The following EXOC6B variants were observed in gnomAD, a reference collection of about 807,000 sequenced individuals.
EXOC6B encodes exocyst complex component 6B.
EXOC6B carries 54 observed loss-of-function variants against 113.5 expected under a neutral mutation model. That is an observed-to-expected ratio of 0.48 (90% CI 0.38 to 0.60). The LOEUF (loss-of-function observed/expected upper bound fraction) is 0.60. Among genes scored for constraint, EXOC6B ranks in the 20% least tolerant of loss-of-function variants. The probability of loss-of-function intolerance (pLI) is 0.00; values close to 1 mark genes in which losing one functional copy is unlikely to be tolerated. For synonymous variants in EXOC6B, 357 were observed against 339.0 expected (o/e 1.05, Z -0.58); for missense variants, 797 against 977.5 (o/e 0.82, Z 2.46).
At chr2:72,782,551 C>A (rs1285815720) in intron 1 of EXOC6B, among the ~76,000 whole-genome samples, 2 of 152,256 alleles carry the variant, frequency 1.3e-5, no homozygotes, top group South Asian at 2.1e-4. Flanking sequence ...GTCCTCTGTT[C>A]TAGCTATTTT....
At chr2:72,599,856 C>T (rs922326002) in intron 6 of EXOC6B, among the ~76,000 whole-genome samples, 7 of 150,924 alleles carry the variant, frequency 4.6e-5, no homozygotes, top group South Asian at 2.1e-4. Context: ...AAAACCTATA[C>T]GAGGAAAACT....
intron 11 of EXOC6B, among the ~76,000 whole-genome samples, chr2:72,500,650 C>T (rs1404732214): frequency 6.6e-6 from 1 of 151,964 alleles, no homozygotes; most frequent in African/African-American, 2.4e-5. Context: ...ATAAAAATTA[C>T]AAATAATGTC....
chr2:72,384,946 C>T (rs555956643), intron 18 of EXOC6B, among the ~76,000 whole-genome samples: 1 of 152,128 alleles, frequency 6.6e-6, no homozygotes, highest in East Asian at 1.9e-4. Context: ...CCAAAGTGAT[C>T]TACAAACTCA....
intron 1 of EXOC6B, among the ~76,000 whole-genome samples, chr2:72,815,484 C>A: frequency 6.7e-6 from 1 of 149,040 alleles, no homozygotes. Flanking sequence ...AGGGAGAGAC[C>A]CTGTTTCAAA....
intron 16 of EXOC6B, among the ~76,000 whole-genome samples, chr2:72,483,481 G>T (rs1699226207): frequency 6.6e-6 from 1 of 152,154 alleles, no homozygotes; most frequent in East Asian, 1.9e-4. Context: ...AAAAAAGGGA[G>T]GTGGCTTCAC....
chr2:72,396,165 T>G (rs1692713966), intron 18 of EXOC6B, among the ~76,000 whole-genome samples: 1 of 152,106 alleles, frequency 6.6e-6, no homozygotes, highest in African/African-American at 2.4e-5. Flanking sequence ...AGGATACTCT[T>G]AAATAATTTA....
chr2:72,488,984 T>A (rs1016009910), intron 16 of EXOC6B, among the ~76,000 whole-genome samples: 1 of 152,160 alleles, frequency 6.6e-6, no homozygotes, highest in Non-Finnish European at 1.5e-5. Context: ...CTCACTCCAC[T>A]CCAGCTACCC....
chr2:72,699,887 A>G (rs902514711), intron 6 of EXOC6B, among the ~76,000 whole-genome samples: 4 of 152,256 alleles, frequency 2.6e-5, no homozygotes, highest in African/African-American at 7.2e-5. Context: ...ATGGCTTTCT[A>G]TATACAGTCA....
intron 17 of EXOC6B, among the ~76,000 whole-genome samples, chr2:72,468,561 GA>G (rs1021209814): frequency 6.6e-6 from 1 of 152,192 alleles, no homozygotes; most frequent in Admixed American, 6.5e-5. Flanking sequence ...AGTAGATTTT[GA>G]AGTCAGGTAG....
At chr2:72,407,417 G>T (rs1026467751) in intron 18 of EXOC6B, among the ~76,000 whole-genome samples, 4 of 152,138 alleles carry the variant, frequency 2.6e-5, no homozygotes, top group African/African-American at 9.7e-5. Context: ...AACAAAAAAA[G>T]AGAATTTTAG....
chr2:72,370,710 T>C (rs56173504), intron 19 of EXOC6B, among the ~76,000 whole-genome samples: 30,297 of 152,012 alleles, frequency 0.2, 5,528 homozygotes, highest in African/African-American at 0.49. Context: ...ATGTCCTTTG[T>C]AGGGACATGG....
intron 1 of EXOC6B, among the ~76,000 whole-genome samples, chr2:72,802,485 AACC>A (rs1685342138): frequency 6.6e-6 from 1 of 152,154 alleles, no homozygotes. Context: ...GTATAAATTG[AACC>A]ATTTTAAATA....
chr2:72,645,066 G>A (rs992499954), intron 6 of EXOC6B, among the ~76,000 whole-genome samples: 1 of 152,054 alleles, frequency 6.6e-6, no homozygotes, highest in Non-Finnish European at 1.5e-5. Context: ...GACACACACA[G>A]GCTCAAAACA....
intron 20 of EXOC6B, among the ~76,000 whole-genome samples, chr2:72,241,168 T>C (rs1324705202): frequency 1.3e-5 from 2 of 151,726 alleles, no homozygotes; most frequent in Non-Finnish European, 2.9e-5. Context: ...AGAAGAAAAA[T>C]GGAAACTCAA....
intron 7 of EXOC6B, among the ~76,000 whole-genome samples, chr2:72,564,244 A>G (rs1704041530): frequency 6.6e-6 from 1 of 152,096 alleles, no homozygotes; most frequent in Non-Finnish European, 1.5e-5. Flanking sequence ...CCACAGCTGC[A>G]CCAGAAGATA....
chr2:72,256,377 G>T (rs777268842), intron 20 of EXOC6B, among the ~76,000 whole-genome samples: 1 of 152,196 alleles, frequency 6.6e-6, no homozygotes, highest in Non-Finnish European at 1.5e-5. Flanking sequence ...TGCAGATAGG[G>T]TGACTAAAGT....
intron 19 of EXOC6B, among the ~76,000 whole-genome samples, chr2:72,342,122 A>G (rs1689065858): frequency 6.6e-6 from 1 of 152,116 alleles, no homozygotes. Context: ...ATTAGAATTT[A>G]TTAGGTATCA....
intron 11 of EXOC6B, among the ~76,000 whole-genome samples, chr2:72,508,184 A>AAAAAAAACC: frequency 1.1e-5 from 1 of 89,108 alleles, no homozygotes; most frequent in African/African-American, 6.7e-5. Context: ...AAAAAAAAAA[A>AAAAAAAACC]ACACCTAAAA....
chr2:72,422,110 C>A (rs1237986023), intron 18 of EXOC6B, among the ~76,000 whole-genome samples: 1 of 152,222 alleles, frequency 6.6e-6, no homozygotes, highest in African/African-American at 2.4e-5. Flanking sequence ...GAGCCTCCCA[C>A]CCACTCCATG....
Sources: gnomAD v4.1 joint callset for allele counts (sites outside exome capture counted in the v4.1 genomes callset) on GRCh38, gnomAD v4.1.1 for gene constraint, MANE v1.5 for transcripts, NCBI Gene and HGNC (gene_info 2026-07-23, HGNC 2026-07-21) for gene names.